The following PRCC variants were observed in gnomAD, a reference collection of about 807,000 sequenced individuals.
The protein encoded by PRCC is proline-rich protein PRCC.
In PRCC, 10 loss-of-function variants were observed where a neutral mutation model predicts 44.0. The ratio of observed to expected loss-of-function variants is 0.23; its 90% CI spans 0.14 to 0.39. The LOEUF is 0.39. PRCC is among the 10% of genes least tolerant of loss of function. PRCC has a pLI of 1.00. For missense variants in PRCC, 573 were observed against 624.7 expected (o/e 0.92, Z 0.88); for synonymous variants, 278 against 259.5 (o/e 1.07, Z -0.69).
intron 6 of PRCC, among the ~76,000 whole-genome samples, chr1:156,798,907 C>T (rs1652754484): frequency 6.6e-6 from 1 of 151,026 alleles, no homozygotes; most frequent in Non-Finnish European, 1.5e-5. Context: ...TGAGAGAGCA[C>T]ATTTTACTGT....
chr1:156,781,528 G>A (rs1367115533), intron 1 of PRCC, among the ~76,000 whole-genome samples: 5 of 152,132 alleles, frequency 3.3e-5, no homozygotes, highest in African/African-American at 7.2e-5. Flanking sequence ...TATGCCTTGC[G>A]GCTCTCCTTG....
intron 1 of PRCC, among the ~76,000 whole-genome samples, chr1:156,776,207 T>A (rs1223611332): frequency 6.6e-6 from 1 of 152,094 alleles, no homozygotes; most frequent in Non-Finnish European, 1.5e-5. Flanking sequence ...TACAAAAAAA[T>A]TTTAAAAATA....
intron 1 of PRCC, among the ~76,000 whole-genome samples, chr1:156,779,846 A>G (rs1211777213): frequency 6.7e-6 from 1 of 150,226 alleles, no homozygotes; most frequent in Admixed American, 6.6e-5. Context: ...AGTGCTAGGA[A>G]GTGCTCCCAA....
Position 156,800,519 on chromosome 1 carries a change from C to T in PRCC, c.*59C>T. The T allele has an allele frequency of 6.4e-7, 1 of 1,569,328 alleles. No individual in the cohort carries two copies. On this transcript the variant is annotated 3_prime_UTR_variant, in exon 7 of 7. Coordinates refer to ENST00000271526, the MANE Select transcript of PRCC (RefSeq NM_005973.5). ...CCAGCCCAGCTGGCCTGGCCCCCAG[C>T]TTCACCTCTGGGACCCCAGCTGCTC...
At chr1:156,793,493 C>CTT (rs113676490) in intron 4 of PRCC, among the ~76,000 whole-genome samples, 2 of 139,840 alleles carry the variant, frequency 1.4e-5, no homozygotes. Flanking sequence ...GTTTACTGGG[C>CTT]TTTTTTTTTT....
chr1:156,773,236 T>A (rs1187741230), intron 1 of PRCC, among the ~76,000 whole-genome samples: 1 of 152,152 alleles, frequency 6.6e-6, no homozygotes, highest in Non-Finnish European at 1.5e-5. Flanking sequence ...TAGTGATTGC[T>A]TTTTGGAGAG....
intron 3 of PRCC, 148 bp downstream of exon 3, chr1:156,787,322 G>A: frequency 1.1e-6 from 1 of 903,114 alleles, no homozygotes. Context: ...CCTTTATTCT[G>A]AACCATATTA....
chr1:156,793,693 G>A (rs1482193037), intron 4 of PRCC, among the ~76,000 whole-genome samples: 3 of 152,082 alleles, frequency 2.0e-5, no homozygotes, highest in African/African-American at 4.8e-5. Context: ...AGAAATCCTG[G>A]AGTTCTGTGT....
At chr1:156,792,902 T>C (rs1652543001) in intron 4 of PRCC, among the ~76,000 whole-genome samples, 1 of 152,226 alleles carries the variant, frequency 6.6e-6, no homozygotes, top group Non-Finnish European at 1.5e-5. Context: ...TAAATACCGT[T>C]GTGTTTCACA....
intron 4 of PRCC, among the ~76,000 whole-genome samples, chr1:156,792,667 C>T (rs1374193622): frequency 6.6e-6 from 1 of 152,048 alleles, no homozygotes; most frequent in Non-Finnish European, 1.5e-5. Context: ...TTGGCCCAGG[C>T]TAGTCTCGAA....
chr1:156,798,310 A>T (rs1345690276), intron 6 of PRCC, among the ~76,000 whole-genome samples: 1 of 150,064 alleles, frequency 6.7e-6, no homozygotes, highest in East Asian at 2.0e-4. Flanking sequence ...CAACTTCACA[A>T]ATTTCCTTTT....
chr1:156,781,583 A>AT (rs1189034227), intron 1 of PRCC, among the ~76,000 whole-genome samples: 2 of 152,178 alleles, frequency 1.3e-5, no homozygotes, highest in Non-Finnish European at 2.9e-5. Context: ...AAGTTTAGCT[A>AT]TTTTTCAGCA....
chr1:156,790,172 T>G (rs1201105237), intron 3 of PRCC, among the ~76,000 whole-genome samples: 1 of 152,284 alleles, frequency 6.6e-6, no homozygotes, highest in African/African-American at 2.4e-5. Context: ...GTTTTCAATC[T>G]GGGCATGAGT....
chr1:156,779,094 C>T (rs1471148065), intron 1 of PRCC, among the ~76,000 whole-genome samples: 5 of 109,278 alleles, frequency 4.6e-5, no homozygotes, highest in Admixed American at 1.0e-4. Flanking sequence ...CCACCGCGCC[C>T]GGCCGGGTAA....
intron 2 of PRCC, among the ~76,000 whole-genome samples, chr1:156,784,623 A>G (rs1036534747): frequency 6.6e-6 from 1 of 152,148 alleles, no homozygotes; most frequent in Non-Finnish European, 1.5e-5. Flanking sequence ...ATCTGTGAAC[A>G]CACACACAGC....
rs991268659 is a variant in PRCC, at chr1:156,791,536, C to T, written c.1084-161C>T. 30 of 631,802 alleles carry T rather than the reference C, an allele frequency of 4.7e-5. No homozygotes were observed. The East Asian group carries it at 4.8e-4, about 10-fold the overall frequency. 39.1% of individuals were successfully genotyped at this position (631,802 alleles called of 1,614,324 possible). On this transcript the variant is annotated intron_variant, in intron 3 of 6. Transcript: ENST00000271526. ...ACTGTTCTTGAGTTGTAGGTCGGTC[C>T]TTGGGATCTATGCCTTTAACTGGTC... is the stretch of plus-strand genomic sequence containing the variant.
chr1:156,783,794 TA>T (rs1367315860), intron 2 of PRCC, among the ~76,000 whole-genome samples: 1 of 151,568 alleles, frequency 6.6e-6, no homozygotes, highest in Non-Finnish European at 1.5e-5. Flanking sequence ...AAATAAAAAA[TA>T]AAAAAATAAA....
rs751435855 is a variant in PRCC at position 156,794,797 on chromosome 1, T to A, written c.1312T>A (p.Ser438Thr). The change falls in exon 5 of 7, where the codon TCA becomes ACA. Residue 438 changes from serine (S) to threonine (T), a missense_variant. Coordinates refer to ENST00000271526, the MANE Select transcript of PRCC (RefSeq NM_005973.5). ...KSLTEEKTMKSFSKKKGEQPT... is the reference protein window; with the variant it reads ...KSLTEEKTMKTFSKKKGEQPT... ...ATTGACAGAAGAGAAAACCATGAAG[T>A]CATTCAGCAAAGTAAGTGGGAAACG... 6.2e-7 allele frequency: 1 copy of A among 1,614,090 alleles called. No individual in the cohort carries two copies. The highest frequency in any genetic ancestry group is 8.5e-7 in the Non-Finnish European group (1 of 1,180,000).
intron 1 of PRCC, among the ~76,000 whole-genome samples, chr1:156,775,638 G>A (rs909545957): frequency 1.3e-5 from 2 of 151,808 alleles, no homozygotes; most frequent in African/African-American, 2.4e-5. Context: ...AGCCTCCCGA[G>A]TAGCTGGGAC....
Sources: gnomAD v4.1 joint callset for allele counts (sites outside exome capture counted in the v4.1 genomes callset) on GRCh38, gnomAD v4.1.1 for gene constraint, MANE v1.5 for transcripts, NCBI Gene and HGNC (gene_info 2026-07-23, HGNC 2026-07-21) for gene names.